HERPUD2: variants seen among roughly 807,000 people sequenced by gnomAD.
HERPUD2 encodes HERPUD family member 2.
A neutral mutation model predicts 49.9 loss-of-function variants in HERPUD2; 13 were observed. The observed-to-expected ratio is 0.26, with a 90% CI of 0.17 to 0.41. HERPUD2 has a LOEUF of 0.41. HERPUD2 is among the 10% of genes least tolerant of loss of function. The pLI, the probability that HERPUD2 is intolerant of heterozygous loss-of-function variation, is 1.00. For synonymous variants in HERPUD2, 172 were observed against 171.4 expected (o/e 1.00, Z -0.03); for missense variants, 449 against 492.2 (o/e 0.91, Z 0.83).
chr7:35,689,191 G>A (rs1379083139), intron 2 of HERPUD2, among the ~76,000 whole-genome samples: 2 of 152,050 alleles, frequency 1.3e-5, no homozygotes, highest in African/African-American at 4.8e-5. Flanking sequence ...TTTCCAAAAA[G>A]ACATAAGGCT....
intron 5 of HERPUD2, among the ~76,000 whole-genome samples, chr7:35,656,844 A>G (rs1364664261): frequency 6.6e-6 from 1 of 152,152 alleles, no homozygotes; most frequent in Non-Finnish European, 1.5e-5. Flanking sequence ...CCTTTCTCTC[A>G]CCATATAAAA....
intron 2 of HERPUD2, among the ~76,000 whole-genome samples, chr7:35,686,516 C>T (rs1786049553): frequency 6.7e-6 from 1 of 149,066 alleles, no homozygotes; most frequent in Admixed American, 6.7e-5. Context: ...ATTAAAAACC[C>T]ATTTCCACCC....
chr7:35,670,265 A>AT lies in HERPUD2; in HGVS notation c.288dup (p.Ser97IlefsTer5). 6.3e-7 allele frequency: 1 copy of AT among 1,591,772 alleles called. No homozygotes were observed. Among genetic ancestry groups the AT allele is most frequent in the Non-Finnish European group, 8.6e-7 (1 of 1,167,322 alleles). ...TCATGACTTTCTCTATTGGTGCTGG[A>AT]TTTTGGAGAACTGGGAGGAGTCCGA... On this transcript the variant is annotated frameshift_variant, in exon 4 of 9. Coordinates refer to ENST00000311350, the MANE Select transcript of HERPUD2 (RefSeq NM_022373.5). LOFTEE classifies it high-confidence loss of function.
At chr7:35,690,666 G>A (rs1414504368) in intron 2 of HERPUD2, among the ~76,000 whole-genome samples, 7 of 152,236 alleles carry the variant, frequency 4.6e-5, no homozygotes, top group East Asian at 3.9e-4. Context: ...AAAATTAGCC[G>A]GGCGTGGTGT....
chr7:35,675,251 A>T (rs1050183379), intron 2 of HERPUD2, among the ~76,000 whole-genome samples: 5 of 152,232 alleles, frequency 3.3e-5, no homozygotes, highest in African/African-American at 1.2e-4. Flanking sequence ...GGGACCAGAC[A>T]TTACAGAAGC....
chr7:35,680,945 G>A (rs1476465952), intron 2 of HERPUD2, among the ~76,000 whole-genome samples: 1 of 133,026 alleles, frequency 7.5e-6, no homozygotes, highest in African/African-American at 2.8e-5. Context: ...GCTAAATGAG[G>A]TGTTATGAGT....
chr7:35,665,235 G>T (rs1395757453), intron 5 of HERPUD2, among the ~76,000 whole-genome samples: 1 of 152,212 alleles, frequency 6.6e-6, no homozygotes. Flanking sequence ...ACAGAGGCAG[G>T]GAGGCCTCCT....
At position 35,694,308 on chromosome 7, in the gene HERPUD2, A is replaced by C. The variant is rs1221437060; in HGVS notation, c.23T>G (p.Ile8Ser). The C allele has an allele frequency of 6.2e-7, 1 of 1,614,168 alleles. No individual in the cohort carries two copies. Among genetic ancestry groups the C allele is most frequent in the African/African-American group, 1.3e-5 (1 of 75,054 alleles). Residue 8 changes from isoleucine (I) to serine (S), a missense_variant, in exon 2 of 9, where the codon ATT becomes AGT. Transcript: ENST00000311350. ...TGCTTTAATGATGAGGGTCACAGGA[A>C]TCTCCATCCCACTTTGGTCCATGGT... MDQSGMEIPVTLIIKAPN... is the reference protein window; with the variant it reads MDQSGMESPVTLIIKAPN...
At chr7:35,654,123 A>T in intron 5 of HERPUD2, among the ~76,000 whole-genome samples, 1 of 152,228 alleles carries the variant, frequency 6.6e-6, no homozygotes, top group Admixed American at 6.5e-5. Context: ...AAAAGTAGGA[A>T]GATTTTAAAT....
Position 35,658,129 on chromosome 7 carries a change from T to C in HERPUD2, c.494+9305A>G, listed in dbSNP as rs79091569. Among the ~76,000 whole-genome samples, 763 of 152,212 alleles carry C rather than the reference T, an allele frequency of 5.0e-3. 3 individuals are homozygous for C. The highest frequency in any genetic ancestry group is 9.1e-3 in the Non-Finnish European group (619 of 67,994). On this transcript the variant is annotated intron_variant, in intron 5 of 8. Coordinates refer to ENST00000311350, the MANE Select transcript of HERPUD2 (RefSeq NM_022373.5). ...AAGAAAATGTGCTATATATAGACAA[T>C]AGAACACTATTTCACCGTAAAAGAG...
At chr7:35,672,030 A>G (rs1785654601) in intron 3 of HERPUD2, among the ~76,000 whole-genome samples, 2 of 152,016 alleles carry the variant, frequency 1.3e-5, no homozygotes, top group Non-Finnish European at 2.9e-5. Context: ...ATGTCATTAT[A>G]TATTTGCCAA....
chr7:35,655,947 G>A (rs1785266488), intron 5 of HERPUD2, among the ~76,000 whole-genome samples: 1 of 152,138 alleles, frequency 6.6e-6, no homozygotes, highest in East Asian at 1.9e-4. Flanking sequence ...GATCACCTGA[G>A]GTCAGGAGTT....
At chr7:35,660,455 T>C (rs542431536) in intron 5 of HERPUD2, among the ~76,000 whole-genome samples, 1 of 152,316 alleles carries the variant, frequency 6.6e-6, no homozygotes, top group African/African-American at 2.4e-5. Flanking sequence ...ATCGCCACAC[T>C]GTCTTCCACA....
intron 6 of HERPUD2, among the ~76,000 whole-genome samples, chr7:35,637,085 A>G (rs189663740): frequency 2.2e-4 from 34 of 152,084 alleles, no homozygotes; most frequent in Non-Finnish European, 2.4e-4. Context: ...GTGAACCAAG[A>G]TTATGCCACT....
At chr7:35,653,522 G>A (rs1785210821) in intron 5 of HERPUD2, among the ~76,000 whole-genome samples, 1 of 151,934 alleles carries the variant, frequency 6.6e-6, no homozygotes, top group Admixed American at 6.6e-5. Flanking sequence ...ATCATCTAGA[G>A]AAACACTGGA....
chr7:35,673,475 G>GTATCTA (rs1554316197), intron 2 of HERPUD2, among the ~76,000 whole-genome samples, 197 bp from the exon 3 acceptor site: 1 of 152,060 alleles, frequency 6.6e-6, no homozygotes, highest in African/African-American at 2.4e-5. Flanking sequence ...AAATGGTAGT[G>GTATCTA]TATCTATTGT....
chr7:35,635,214 T>C lies in HERPUD2; in HGVS notation c.862A>G (p.Ile288Val), dbSNP rs1221267050. 3 of 1,614,140 alleles carry C rather than the reference T, an allele frequency of 1.9e-6. No individual in the cohort carries two copies. Among genetic ancestry groups the C allele is most frequent in the East Asian group, 2.2e-5 (1 of 44,886 alleles). Residue 288 changes from isoleucine to valine, a missense_variant, in exon 7 of 9, where the codon ATT becomes GTT. Coordinates refer to ENST00000311350, the MANE Select transcript of HERPUD2 (RefSeq NM_022373.5). Reference sequence around the variant, plus strand: ...TAGAAGTATACAATGCTAAGGAGAATCGCAGCTCGTGAGAACGTGTACATC... The same window carrying C: ...TAGAAGTATACAATGCTAAGGAGAACCGCAGCTCGTGAGAACGTGTACATC... ...DWMYTFSRAA[I>V]LLSIVYFYSS...
intron 2 of HERPUD2, among the ~76,000 whole-genome samples, chr7:35,676,993 C>T (rs575782516): frequency 1.1e-4 from 17 of 152,234 alleles, no homozygotes; most frequent in African/African-American, 4.1e-4. Flanking sequence ...GTGTCATCAT[C>T]CTGACATTTT....
intron 2 of HERPUD2, among the ~76,000 whole-genome samples, chr7:35,686,842 C>T (rs1189106150): frequency 1.4e-5 from 1 of 71,382 alleles, no homozygotes; most frequent in Non-Finnish European, 2.5e-5. Context: ...GGGGGGGGCG[C>T]GAGTCACGAG....
Sources: allele counts gnomAD v4.1 joint callset (sites outside exome capture counted in the v4.1 genomes callset), GRCh38; gene constraint gnomAD v4.1.1; transcripts MANE v1.5; gene names NCBI Gene and HGNC (gene_info 2026-07-23, HGNC 2026-07-21).